MAGI3: variants seen among roughly 807,000 people sequenced by gnomAD.
The protein encoded by MAGI3 is membrane-associated guanylate kinase, WW and PDZ domain-containing protein 3.
Under a neutral mutation model 121.8 loss-of-function variants are expected in MAGI3, and 43 were observed. That is an observed-to-expected ratio of 0.35 (90% CI 0.28 to 0.46). The LOEUF (loss-of-function observed/expected upper bound fraction) is 0.46, where lower values mean the gene tolerates loss of function less well. Ranked by LOEUF, MAGI3 falls within the 20% of genes least tolerant of loss-of-function variation. MAGI3 has a pLI of 1.00. For synonymous variants in MAGI3, 553 were observed against 639.3 expected, an observed-to-expected ratio of 0.86 and a Z score of 2.04; for missense variants, 1,547 against 1,797.3, an observed-to-expected ratio of 0.86 and a Z score of 2.52.
chr1:113,682,921 C>T lies in MAGI3; in HGVS notation c.3353C>T (p.Ser1118Leu), dbSNP rs940342425. 3.8e-6 allele frequency: 6 copies of T among 1,586,924 alleles called. No homozygotes were observed. The highest frequency in any genetic ancestry group is 3.8e-5 in the Admixed American group (2 of 52,690). ...GGTGATTGGGATATTAATAATCCTT[C>T]GTCTTCAAATGTGATTTATGATGAA... ...DHGDWDINNP[S>L]SSNVIYDEQS... The change falls in exon 21 of 21, where the codon TCG becomes TTG. Residue 1118 changes from serine (S) to leucine (L), a missense_variant. Coordinates refer to ENST00000307546, the MANE Select transcript of MAGI3 (RefSeq NM_001142782.2).
chr1:113,428,010 C>CTG (rs34855659), intron 1 of MAGI3, among the ~76,000 whole-genome samples: 4,584 of 151,426 alleles, frequency 0.03, 226 homozygotes, highest in African/African-American at 0.1. Context: ...TGAATGTGTT[C>CTG]TGTGTGTGTG....
intron 17 of MAGI3, among the ~76,000 whole-genome samples, chr1:113,672,209 T>C (rs1399529085): frequency 1.3e-5 from 2 of 152,260 alleles, no homozygotes; most frequent in Non-Finnish European, 2.9e-5. Flanking sequence ...GAGCAGGTTT[T>C]GTGTGTATTT....
chr1:113,503,219 TAAAAAAAAAAAAAAAAAAAAAAA>T (rs869272201), intron 1 of MAGI3, among the ~76,000 whole-genome samples: 1 of 8,976 alleles, frequency 1.1e-4, no homozygotes, highest in Non-Finnish European at 1.6e-4. Context: ...AGAGTATAAT[TAAAAAAAAAAAAAAAAAAAAAAA>T]AAAAAAAAAA....
chr1:113,425,578 C>G (rs1652965728), intron 1 of MAGI3, among the ~76,000 whole-genome samples: 1 of 152,000 alleles, frequency 6.6e-6, no homozygotes, highest in Admixed American at 6.6e-5. Context: ...GCTACTGCAC[C>G]CAGCCTACAA....
intron 16 of MAGI3, among the ~76,000 whole-genome samples, chr1:113,661,674 A>T (rs556249596): frequency 4.9e-4 from 74 of 152,350 alleles, no homozygotes; most frequent in Non-Finnish European, 6.6e-4. Context: ...TCTGGCCCAA[A>T]CACTTGTGGA....
chr1:113,508,963 G>T (rs1196845330), intron 1 of MAGI3, among the ~76,000 whole-genome samples: 4 of 152,040 alleles, frequency 2.6e-5, no homozygotes, highest in Middle Eastern at 3.2e-3. Flanking sequence ...TGTGTGGGAA[G>T]AAATTATACA....
At position 113,659,074 on chromosome 1, in the gene MAGI3, C is replaced by A. The variant is rs1653637781; in HGVS notation, c.2630-6C>A. The A allele has an allele frequency of 1.3e-6, 2 of 1,570,846 alleles. No individual in the cohort carries two copies. Among genetic ancestry groups the A allele is most frequent in the African/African-American group, 1.4e-5 (1 of 72,650 alleles). The stretch of plus-strand genomic sequence containing the variant: ...ATTGAAAAACCTGGGGTTTTTTTTC[C>A]CATAGTTATTCCTCATAAAATTGGC... On this transcript the variant is annotated splice_polypyrimidine_tract_variant and splice_region_variant and intron_variant, in intron 15 of 20. Transcript: ENST00000307546.
At chr1:113,534,002 A>G (rs190248819) in intron 1 of MAGI3, among the ~76,000 whole-genome samples, 1 of 152,182 alleles carries the variant, frequency 6.6e-6, no homozygotes, top group Admixed American at 6.5e-5. Flanking sequence ...AGGGACACCT[A>G]TAATTTGAAG....
intron 1 of MAGI3, among the ~76,000 whole-genome samples, chr1:113,537,835 A>T (rs967282677): frequency 6.6e-6 from 1 of 152,156 alleles, no homozygotes; most frequent in African/African-American, 2.4e-5. Context: ...TTGAACAGAC[A>T]TTTTACATTT....
intron 5 of MAGI3, 57 bp from the exon 6 acceptor site, chr1:113,594,424 G>T: frequency 7.3e-7 from 1 of 1,376,652 alleles, no homozygotes; most frequent in Non-Finnish European, 1.0e-6. Flanking sequence ...CTTTACTTTT[G>T]AAATAATTTT....
chr1:113,636,323 G>A (rs952295126), intron 9 of MAGI3, among the ~76,000 whole-genome samples: 2 of 152,088 alleles, frequency 1.3e-5, no homozygotes, highest in Non-Finnish European at 2.9e-5. Context: ...TGATGTTAGG[G>A]TGTCAATTTT....
intron 9 of MAGI3, among the ~76,000 whole-genome samples, chr1:113,629,899 G>A (rs968951656): frequency 1.3e-5 from 2 of 151,312 alleles, no homozygotes; most frequent in Non-Finnish European, 2.9e-5. Context: ...GGTGAGACAT[G>A]AAACCAGCAC....
chr1:113,670,986 A>G (rs1487702883), intron 16 of MAGI3, among the ~76,000 whole-genome samples: 1 of 152,222 alleles, frequency 6.6e-6, no homozygotes, highest in African/African-American at 2.4e-5. Context: ...TTCAACTTCA[A>G]AAATATGAGT....
At chr1:113,576,740 A>G (rs1198409566) in intron 2 of MAGI3, 3 of 152,240 alleles carry the variant, frequency 2.0e-5, no homozygotes, top group Admixed American at 6.5e-5. Flanking sequence ...GTTTAATCTC[A>G]TAAAGCAATT....
intron 1 of MAGI3, among the ~76,000 whole-genome samples, chr1:113,526,053 G>T (rs1658433434): frequency 6.6e-6 from 1 of 152,066 alleles, no homozygotes. Flanking sequence ...TATTCCAAAA[G>T]ATTAGGTTTA....
At chr1:113,452,709 G>C (rs537198786) in intron 1 of MAGI3, among the ~76,000 whole-genome samples, 3 of 152,196 alleles carry the variant, frequency 2.0e-5, no homozygotes, top group Admixed American at 6.6e-5. Context: ...CTGTTGACCT[G>C]AATAGGATTA....
At position 113,661,606 on chromosome 1, in the gene MAGI3, C is replaced by T. The variant is rs573676541; in HGVS notation, c.2815+2341C>T. 2.1e-4 allele frequency among the ~76,000 whole-genome samples: 32 copies of T among 152,256 alleles called. 1 individual carries two copies. The highest frequency in any genetic ancestry group is 3.4e-3 in the Middle Eastern group (1 of 294). On this transcript the variant is annotated intron_variant, in intron 16 of 20. Transcript: ENST00000307546. ...TGTTTAATGTTGATGGTATTTTCTC[C>T]AAGAGATTATCCAAGATTGTTCATA...
At chr1:113,578,336 G>A (rs1287581909) in intron 2 of MAGI3, among the ~76,000 whole-genome samples, 1 of 152,176 alleles carries the variant, frequency 6.6e-6, no homozygotes, top group African/African-American at 2.4e-5. Flanking sequence ...CCACCTCTTA[G>A]GAGGTGCAGA....
intron 1 of MAGI3, among the ~76,000 whole-genome samples, chr1:113,475,971 C>G (rs936717649): frequency 5.9e-5 from 9 of 152,116 alleles, no homozygotes; most frequent in South Asian, 2.1e-4. Context: ...TGTATGTGTC[C>G]AGGAATTTAT....
Sources: gnomAD v4.1 joint callset for allele counts (sites outside exome capture counted in the v4.1 genomes callset) on GRCh38, gnomAD v4.1.1 for gene constraint, MANE v1.5 for transcripts, NCBI Gene and HGNC (gene_info 2026-07-23, HGNC 2026-07-21) for gene names.